The following DUSP14 variants were observed in gnomAD, a reference collection of about 807,000 sequenced individuals.
DUSP14 encodes dual specificity phosphatase 14.
A neutral mutation model predicts 13.2 loss-of-function variants in DUSP14; 5 were observed. The ratio of observed to expected loss-of-function variants is 0.38; its 90% CI spans 0.20 to 0.80. DUSP14 has a LOEUF of 0.80. Ranked by LOEUF, DUSP14 falls within the 30% of genes least tolerant of loss-of-function variation. The pLI, the probability that DUSP14 is intolerant of heterozygous loss-of-function variation, is 0.44. For missense variants in DUSP14, 185 were observed against 264.0 expected, an observed-to-expected ratio of 0.70 and a Z score of 2.07; for synonymous variants, 91 against 103.4, an observed-to-expected ratio of 0.88 and a Z score of 0.73.
Position 37,512,262 on chromosome 17 carries a change from C to G in DUSP14, c.-11C>G. 4 of 1,583,078 alleles carry G rather than the reference C, an allele frequency of 2.5e-6. No individual in the cohort carries two copies. The highest frequency in any genetic ancestry group is 3.4e-6 in the Non-Finnish European group (4 of 1,161,408). On this transcript the variant is annotated 5_prime_UTR_variant, in exon 3 of 3. Coordinates refer to ENST00000617516, the MANE Select transcript of DUSP14 (RefSeq NM_007026.4). This position sits in a 1 kb window ranked among gnomAD's most constrained non-coding sequence, Gnocchi z 4.8. ...GCCGCCAACGATGCAAGTGTGACTGCTGGCGTCTTCATGAGCTCCAGAGGT... is the reference window on the plus strand; with the variant it reads ...GCCGCCAACGATGCAAGTGTGACTGGTGGCGTCTTCATGAGCTCCAGAGGT...
chr17:37,493,982 G>A (rs988751474), intron 1 of DUSP14, among the ~76,000 whole-genome samples: 4 of 150,970 alleles, frequency 2.6e-5, no homozygotes, highest in Non-Finnish European at 5.9e-5. Flanking sequence ...AGGAATCAAT[G>A]ACTCTTTTAA....
intron 1 of DUSP14, among the ~76,000 whole-genome samples, chr17:37,490,219 C>CCGCCG (rs919448263): frequency 4.7e-5 from 7 of 147,374 alleles, no homozygotes; most frequent in South Asian, 4.4e-4. Context: ...TGCCGCTCCC[C>CCGCCG]CGCCGCGCCG....
chr17:37,511,938 C>CTTTTTTTTTTTTTTTTTTTT (rs58893696), intron 2 of DUSP14, among the ~76,000 whole-genome samples: 18 of 38,250 alleles, frequency 4.7e-4, no homozygotes, highest in Admixed American at 1.9e-3. Context: ...CCCCACCCCA[C>CTTTTTTTTTTTTTTTTTTTT]TTTTTTTTTT....
chr17:37,509,042 G>A (rs1257622550), intron 1 of DUSP14, among the ~76,000 whole-genome samples: 3 of 130,228 alleles, frequency 2.3e-5, no homozygotes, highest in East Asian at 4.4e-4. Flanking sequence ...ATAACCCAGC[G>A]TCATGGGTGA....
At chr17:37,495,621 T>A (rs965637000) in intron 1 of DUSP14, among the ~76,000 whole-genome samples, 3 of 152,206 alleles carry the variant, frequency 2.0e-5, no homozygotes, top group Admixed American at 6.5e-5. Flanking sequence ...CCTGGGAAAG[T>A]GACCAGTAGG....
intron 1 of DUSP14, among the ~76,000 whole-genome samples, chr17:37,505,909 A>G (rs1244246642): frequency 1.3e-5 from 2 of 152,110 alleles, no homozygotes; most frequent in Non-Finnish European, 2.9e-5. Flanking sequence ...TATTTTGTTC[A>G]GTACTTAGTG....
At chr17:37,508,403 T>G (rs1212278044) in intron 1 of DUSP14, among the ~76,000 whole-genome samples, 1 of 152,144 alleles carries the variant, frequency 6.6e-6, no homozygotes, top group South Asian at 2.1e-4. Context: ...TGAGGCATGC[T>G]CAGGTTTGAG....
intron 2 of DUSP14, among the ~76,000 whole-genome samples, 153 bp downstream of exon 2, chr17:37,510,917 G>A (rs2054179275): frequency 2.0e-5 from 3 of 151,610 alleles, no homozygotes; most frequent in African/African-American, 2.4e-5. Flanking sequence ...TTTTTTTTTG[G>A]TGAGAGGAAC....
intron 1 of DUSP14, among the ~76,000 whole-genome samples, chr17:37,509,243 C>CTATATA (rs71135736): frequency 1.3e-4 from 6 of 44,808 alleles, no homozygotes; most frequent in Non-Finnish European, 2.5e-4. Flanking sequence ...TATATACACA[C>CTATATA]TATATATATA....
chr17:37,498,679 T>TG (rs11372190), intron 1 of DUSP14, among the ~76,000 whole-genome samples: 6,890 of 151,594 alleles, frequency 0.045, 503 homozygotes, highest in African/African-American at 0.15. Context: ...GTAATCAGTT[T>TG]TTTTTTTTTT....
intron 2 of DUSP14, among the ~76,000 whole-genome samples, chr17:37,511,585 C>T (rs140027502): frequency 4.6e-5 from 4 of 87,312 alleles, no homozygotes; most frequent in South Asian, 4.2e-4. Flanking sequence ...CTGGCCTTTC[C>T]TTTTTTTTTT....
rs34074882 is a variant in DUSP14, at chr17:37,512,082, TA to T, written c.-92-90del. 4.8e-5 allele frequency: 27 copies of T among 557,922 alleles called. No individual in the cohort carries two copies. The highest frequency in any genetic ancestry group is 8.6e-5 in the East Asian group (3 of 35,078). 34.6% of individuals were successfully genotyped at this position (557,922 alleles called of 1,614,324 possible). ...CCTTGAAAGATTGTACTGTATTATT[TA>T]AAAAAAAACCCTCTAATCTTCCCAT... On this transcript the variant is annotated intron_variant, in intron 2 of 2. Transcript: ENST00000617516. This position sits in a 1 kb window ranked among gnomAD's most constrained non-coding sequence, Gnocchi z 4.8.
At chr17:37,499,513 G>A (rs914355411) in intron 1 of DUSP14, among the ~76,000 whole-genome samples, 2 of 151,078 alleles carry the variant, frequency 1.3e-5, no homozygotes, top group Non-Finnish European at 3.0e-5. Context: ...CCCTCTAGAA[G>A]TGTTTTTGTT....
At chr17:37,502,526 AG>A (rs1396321086) in intron 1 of DUSP14, among the ~76,000 whole-genome samples, 1 of 152,130 alleles carries the variant, frequency 6.6e-6, no homozygotes, top group African/African-American at 2.4e-5. Flanking sequence ...CCTGTAGGTC[AG>A]GAATTTGGAC....
chr17:37,494,506 T>C (rs1312390832), intron 1 of DUSP14, among the ~76,000 whole-genome samples: 1 of 152,164 alleles, frequency 6.6e-6, no homozygotes, highest in African/African-American at 2.4e-5. Flanking sequence ...CACATCCAGC[T>C]TGAATTCCTG....
At chr17:37,491,871 T>C (rs1330775375) in intron 1 of DUSP14, among the ~76,000 whole-genome samples, 2 of 152,262 alleles carry the variant, frequency 1.3e-5, no homozygotes, top group African/African-American at 4.8e-5. Flanking sequence ...ATTTAAACTT[T>C]ACTAATAAGG....
chr17:37,490,189 G>A (rs1188400433), intron 1 of DUSP14, among the ~76,000 whole-genome samples: 5 of 150,138 alleles, frequency 3.3e-5, no homozygotes, highest in African/African-American at 9.8e-5. Context: ...CACCCTCGCC[G>A]GCCCTGAGCG....
At chr17:37,494,896 C>G (rs1001347490) in intron 1 of DUSP14, among the ~76,000 whole-genome samples, 66 of 152,278 alleles carry the variant, frequency 4.3e-4, no homozygotes, top group African/African-American at 1.5e-3. Context: ...ATAGCTAAAT[C>G]ACTCTATTTT....
rs1329764853 is a variant in DUSP14, at chr17:37,511,937, A to AGTTTTTTTTTTTT, written c.-92-244_-92-243insGTTTTTTTTTTTT. ...TGCCCAGCCACCCCCCCCCCACCCC[A>AGTTTTTTTTTTTT]CTTTTTTTTTTTTTTTTTTGGACAA... On this transcript the variant is annotated intron_variant, in intron 2 of 2. Transcript: ENST00000617516. 4.3e-4 allele frequency among the ~76,000 whole-genome samples: 7 copies of AGTTTTTTTTTTTT among 16,434 alleles called. 1 individual carries two copies. The highest frequency in any genetic ancestry group is 6.0e-3 in the South Asian group (2 of 334). 10.8% of individuals were successfully genotyped at this position (16,434 alleles called of 152,430 possible).
Sources: gnomAD v4.1 joint callset for allele counts (sites outside exome capture counted in the v4.1 genomes callset) on GRCh38, gnomAD v4.1.1 for gene constraint, Gnocchi (gnomAD v3.1) non-coding constraint, MANE v1.5 for transcripts, NCBI Gene and HGNC (gene_info 2026-07-23, HGNC 2026-07-21) for gene names.